Variants in GOLGA4 observed in about 807,000 individuals in gnomAD.
The protein encoded by GOLGA4 is golgin A4, also known as golgin subfamily A member 4.
GOLGA4 carries 169 observed loss-of-function variants against 265.9 expected under a neutral mutation model. The ratio of observed to expected loss-of-function variants is 0.64; its 90% CI spans 0.56 to 0.72. The LOEUF is 0.72. GOLGA4 is among the 30% of genes least tolerant of loss of function. The pLI, the probability that GOLGA4 is intolerant of heterozygous loss-of-function variation, is 0.00. For synonymous variants in GOLGA4, 923 were observed against 855.8 expected (o/e 1.08, Z -1.37); for missense variants, 2,482 against 2,483.4 (o/e 1.00, Z 0.01).
intron 3 of GOLGA4, among the ~76,000 whole-genome samples, chr3:37,282,564 A>G (rs970453317): frequency 6.6e-6 from 1 of 152,168 alleles, no homozygotes; most frequent in African/African-American, 2.4e-5. Context: ...CCTCTGTTCA[A>G]GGTCACTTGG....
intron 12 of GOLGA4, among the ~76,000 whole-genome samples, chr3:37,321,275 A>G (rs1014502649): frequency 3.9e-5 from 6 of 152,186 alleles, no homozygotes; most frequent in Non-Finnish European, 5.9e-5. Context: ...GATCTTCCCC[A>G]TATATTAACA....
chr3:37,334,806 C>T (rs1427919365), intron 16 of GOLGA4, among the ~76,000 whole-genome samples: 1 of 151,752 alleles, frequency 6.6e-6, no homozygotes, highest in Non-Finnish European at 1.5e-5. Context: ...AAAATGATAT[C>T]CTAGGAATAA....
In GOLGA4 at chr3:37,327,527, T is replaced by C. The variant is rs769545903; in HGVS notation, c.5641T>C (p.Tyr1881His). The C allele has an allele frequency of 2.5e-6, 4 of 1,613,640 alleles. No homozygotes were observed. Among genetic ancestry groups the C allele is most frequent in the South Asian group, 1.1e-5 (1 of 91,052 alleles). Reference protein sequence around the residue: ...RVEMEELTSKYEKLQALQQMD... With the variant: ...RVEMEELTSKHEKLQALQQMD... ...TGAAATGGAAGAGTTGACCTCAAAA[T>C]ATGAAAAATTACAGGCTTTACAACA... The change falls in exon 14 of 24, where the codon TAT becomes CAT. Residue 1881 changes from tyrosine (Y) to histidine (H), a missense_variant. By Grantham distance (83) the Tyr-to-His change is moderately conservative (BLOSUM62 2). Transcript: ENST00000361924.
intron 5 of GOLGA4, among the ~76,000 whole-genome samples, chr3:37,292,167 T>C (rs1455025179): frequency 2.0e-4 from 30 of 152,140 alleles, no homozygotes; most frequent in Non-Finnish European, 3.7e-4. Flanking sequence ...GTTTTTTGGT[T>C]TGTTTTTTTT....
intron 2 of GOLGA4, among the ~76,000 whole-genome samples, chr3:37,264,171 C>G (rs1252807340): frequency 6.6e-6 from 1 of 152,136 alleles, no homozygotes; most frequent in East Asian, 1.9e-4. Context: ...TTTAAAATTT[C>G]AAATATACTC....
intron 2 of GOLGA4, among the ~76,000 whole-genome samples, chr3:37,268,474 C>T (rs1169192390): frequency 6.6e-6 from 1 of 151,994 alleles, no homozygotes; most frequent in South Asian, 2.1e-4. Flanking sequence ...TAAAGGTTCT[C>T]CTAGGGCCAC....
Position 37,325,161 on chromosome 3 carries a change from A to G in GOLGA4, c.3275A>G (p.Lys1092Arg). The change falls in exon 14 of 24, where the codon AAG becomes AGG. Residue 1092 changes from lysine to arginine, a missense_variant. Around this residue, in one of 3 missense-constraint regions of GOLGA4, gnomAD observed 1,536 missense variants for 1,483.7 expected, o/e 1.04. Transcript: ENST00000361924. The stretch of plus-strand genomic sequence containing the variant: ...GGGTGTGAAAAAGAAGAGATGAACA[A>G]GGAAATAACATGGCTGAAGGAAGAA... ...LFGCEKEEMN[K>R]EITWLKEEGV... is the part of the protein sequence containing the mutation. The G allele has an allele frequency of 6.2e-7, 1 of 1,613,812 alleles. No individual in the cohort carries two copies.
At chr3:37,271,518 G>A (rs1335638233) in intron 2 of GOLGA4, among the ~76,000 whole-genome samples, 2 of 152,060 alleles carry the variant, frequency 1.3e-5, no homozygotes, top group Admixed American at 6.5e-5. Context: ...ATTGGTACAA[G>A]AACCCCTCCC....
At chr3:37,337,193 C>CTT in intron 18 of GOLGA4, 30 bp downstream of exon 18, 1 of 894,826 alleles carries the variant, frequency 1.1e-6, no homozygotes, top group Non-Finnish European at 1.6e-6. Flanking sequence ...TTTTTTTTTT[C>CTT]TTTTTTTTCT....
intron 23 of GOLGA4, among the ~76,000 whole-genome samples, chr3:37,364,425 A>G (rs1011053611): frequency 6.6e-6 from 1 of 151,314 alleles, no homozygotes; most frequent in Non-Finnish European, 1.5e-5. Context: ...TATTTTTAGT[A>G]GAGACCGGGT....
At chr3:37,328,628 A>C in intron 15 of GOLGA4, 91 bp downstream of exon 15, 2 of 1,173,220 alleles carry the variant, frequency 1.7e-6, no homozygotes, top group South Asian at 3.1e-5. Flanking sequence ...AAGTGCATTA[A>C]GTCATTAAAC....
chr3:37,244,959 A>G (rs1578310026), intron 1 of GOLGA4, among the ~76,000 whole-genome samples: 1 of 152,202 alleles, frequency 6.6e-6, no homozygotes, highest in East Asian at 1.9e-4. Context: ...TAGTGAATGT[A>G]AGGCACTTCC....
At chr3:37,335,426 A>G (rs1345087470) in intron 17 of GOLGA4, among the ~76,000 whole-genome samples, 1 of 152,158 alleles carries the variant, frequency 6.6e-6, no homozygotes, top group African/African-American at 2.4e-5. Context: ...TTTTGTTATT[A>G]CCAGTGCTTC....
chr3:37,304,565 C>T (rs1415526736), intron 10 of GOLGA4, among the ~76,000 whole-genome samples: 2 of 152,268 alleles, frequency 1.3e-5, no homozygotes, highest in Middle Eastern at 3.4e-3. Flanking sequence ...CAAGCCTTTC[C>T]ATTTTTAGAA....
chr3:37,359,981 ATAT>A (rs2097100284), intron 22 of GOLGA4, among the ~76,000 whole-genome samples: 4 of 152,172 alleles, frequency 2.6e-5, no homozygotes, highest in African/African-American at 2.4e-5. Context: ...ACTGGAAAAA[ATAT>A]TATAAGCCAG....
chr3:37,277,874 A>C (rs1196473378), intron 2 of GOLGA4, among the ~76,000 whole-genome samples: 3 of 151,976 alleles, frequency 2.0e-5, no homozygotes, highest in Non-Finnish European at 2.9e-5. Context: ...ACCTCAGTAC[A>C]TGCTTTGCAC....
At position 37,366,335 on chromosome 3, in the gene GOLGA4, ATAACT is replaced by A. The variant is rs201534069; in HGVS notation, c.*294_*298del. 6.3e-4 allele frequency: 258 copies of A among 406,716 alleles called. 3 individuals are homozygous for A. In the East Asian group the frequency reaches 7.6e-3, roughly 12 times the overall value. The allele number at this position is 406,716 out of a possible 1,614,324, so 25.2% of individuals were successfully genotyped here. A position where few individuals can be genotyped will look rare whatever the true frequency, so the allele number is the denominator to read the frequency against. ...TTTATGTTGTTTAAAAGATATTTTG[ATAACT>A]TAACCTGCTTTATGGGCTTACATAA... is the stretch of plus-strand genomic sequence containing the variant. On this transcript the variant is annotated 3_prime_UTR_variant, in exon 24 of 24. Transcript: ENST00000361924.
chr3:37,353,543 ATTG>A (rs1202486339), intron 21 of GOLGA4, among the ~76,000 whole-genome samples: 8 of 151,942 alleles, frequency 5.3e-5, no homozygotes, highest in South Asian at 2.1e-4. Flanking sequence ...TATGTATGTT[ATTG>A]TTGTTGTATT....
chr3:37,261,528 T>A (rs2096769880), intron 2 of GOLGA4, among the ~76,000 whole-genome samples: 1 of 152,218 alleles, frequency 6.6e-6, no homozygotes, highest in South Asian at 2.1e-4. Context: ...CAGTTTTTAA[T>A]TCTTCCAAGT....
Sources: gnomAD v4.1 joint callset for allele counts (sites outside exome capture counted in the v4.1 genomes callset) on GRCh38, gnomAD v4.1.1 for gene constraint, gnomAD v4.1.1 regional missense constraint, MANE v1.5 for transcripts, NCBI Gene and HGNC (gene_info 2026-07-23, HGNC 2026-07-21) for gene names.